The following KIRREL3 variants were observed in gnomAD, a reference collection of about 807,000 sequenced individuals.
KIRREL3 encodes kirre like nephrin family adhesion molecule 3.
KIRREL3 carries 36 observed loss-of-function variants against 89.7 expected under a neutral mutation model. That is an observed-to-expected ratio of 0.40 (90% CI 0.31 to 0.53). KIRREL3 has a LOEUF of 0.53. Among genes scored for constraint, KIRREL3 ranks in the 20% least tolerant of loss-of-function variants. The pLI, the probability that KIRREL3 is intolerant of heterozygous loss-of-function variation, is 0.49. For synonymous variants in KIRREL3, 445 were observed against 441.4 expected, an observed-to-expected ratio of 1.01 and a Z score of -0.10; for missense variants, 864 against 1,056.6, an observed-to-expected ratio of 0.82 and a Z score of 2.53.
intron 1 of KIRREL3, among the ~76,000 whole-genome samples, chr11:126,849,434 C>T (rs1944261571): frequency 6.6e-6 from 1 of 152,180 alleles, no homozygotes; most frequent in Non-Finnish European, 1.5e-5. Context: ...AACTTGCTTT[C>T]ACTTTACTCT....
At position 126,459,655 on chromosome 11, in the gene KIRREL3, G is replaced by A. The variant is rs1243154891; in HGVS notation, c.743-3201C>T. 6.6e-6 allele frequency among the ~76,000 whole-genome samples: 1 copy of A among 152,190 alleles called. No individual in the cohort carries two copies. The highest frequency in any genetic ancestry group is 2.4e-5 in the African/African-American group (1 of 41,438). ...GAGGGCAGCTTTGATGTAGCTGGTG[G>A]AACTGAGATCACATTGAACAGATGT... On this transcript the variant is annotated intron_variant, in intron 6 of 16. Transcript: ENST00000525144. This position sits in a 1 kb window ranked among gnomAD's most constrained non-coding sequence, Gnocchi z 4.8.
Position 126,635,939 on chromosome 11 carries a change from G to A in KIRREL3, c.56-73027C>T, listed in dbSNP as rs1435537203. On this transcript the variant is annotated intron_variant, in intron 1 of 16. Coordinates refer to ENST00000525144, the MANE Select transcript of KIRREL3 (RefSeq NM_032531.4). This position sits in a 1 kb window ranked among gnomAD's most constrained non-coding sequence, Gnocchi z 4.0. ...AACAACTTGGTTATTTTTGGGTCAT[G>A]GGCAGGGCCAGCAGGCCTACAGGTA... Among the ~76,000 whole-genome samples the A allele has an allele frequency of 6.6e-6, 1 of 152,148 alleles. No homozygotes were observed. The highest frequency in any genetic ancestry group is 6.5e-5 in the Admixed American group (1 of 15,280).
chr11:126,850,407 C>T (rs1278211518), intron 1 of KIRREL3, among the ~76,000 whole-genome samples: 2 of 152,164 alleles, frequency 1.3e-5, no homozygotes, highest in Non-Finnish European at 2.9e-5. Context: ...GAGTGAGCTG[C>T]TGGGTGGGCT....
chr11:126,481,813 A>G (rs1301249472), intron 4 of KIRREL3, among the ~76,000 whole-genome samples: 1 of 152,210 alleles, frequency 6.6e-6, no homozygotes, highest in Admixed American at 6.5e-5. Flanking sequence ...TCACCTATCC[A>G]GTCAACCAGT....
In KIRREL3 at chr11:126,989,730, G is replaced by A. The variant is rs904839955; in HGVS notation, c.55+10725C>T. Among the ~76,000 whole-genome samples the A allele has an allele frequency of 6.6e-6, 1 of 152,206 alleles. No homozygotes were observed. Among genetic ancestry groups the A allele is most frequent in the Non-Finnish European group, 1.5e-5 (1 of 68,038 alleles). ...GTCTTAGGGCCAACAGGGGAACGAA[G>A]TCTTAGGGCCAACAGGGTTCCCCCG... is the stretch of plus-strand genomic sequence containing the variant. On this transcript the variant is annotated intron_variant, in intron 1 of 16. Coordinates refer to ENST00000525144, the MANE Select transcript of KIRREL3 (RefSeq NM_032531.4). The surrounding 1 kb of genome is among the most constrained non-coding windows in gnomAD (Gnocchi z 6.2).
At chr11:126,663,011 G>A (rs988418198) in intron 1 of KIRREL3, among the ~76,000 whole-genome samples, 2 of 139,092 alleles carry the variant, frequency 1.4e-5, no homozygotes, top group Non-Finnish European at 3.0e-5. Flanking sequence ...TGTCCCTTCT[G>A]GCAGAAATAC....
intron 1 of KIRREL3, among the ~76,000 whole-genome samples, chr11:126,759,543 T>C (rs1278397026): frequency 6.6e-6 from 1 of 152,198 alleles, no homozygotes; most frequent in Non-Finnish European, 1.5e-5. Context: ...TGGATGTTAG[T>C]GATAAAGGAA....
chr11:126,617,331 G>C (rs1354332124), intron 1 of KIRREL3, among the ~76,000 whole-genome samples: 3 of 152,238 alleles, frequency 2.0e-5, no homozygotes, highest in Non-Finnish European at 2.9e-5. Flanking sequence ...TGAGGGGCAG[G>C]AGGAGAGAGC....
At chr11:126,457,610 A>G (rs1231864899) in intron 6 of KIRREL3, among the ~76,000 whole-genome samples, 2 of 152,104 alleles carry the variant, frequency 1.3e-5, no homozygotes, top group Non-Finnish European at 2.9e-5. Context: ...AGACACACAC[A>G]TAGAAATTGA....
chr11:126,505,559 G>A (rs963648810), intron 4 of KIRREL3, among the ~76,000 whole-genome samples: 3 of 144,486 alleles, frequency 2.1e-5, no homozygotes, highest in African/African-American at 8.0e-5. Flanking sequence ...CAACAAGAGT[G>A]TAACTCCATC....
rs1957450561 is a variant in KIRREL3 at position 126,489,379 on chromosome 11, T to C, written c.434-15913A>G. On this transcript the variant is annotated intron_variant, in intron 4 of 16. Transcript: ENST00000525144. The surrounding 1 kb of genome is among the most constrained non-coding windows in gnomAD (Gnocchi z 5.5). Reference sequence around the variant, plus strand: ...TGATGGAAGGGTAAGAAGAGACGCCTGCATCAGGTGGGAGTTAGGTGGGGA... The same window carrying C: ...TGATGGAAGGGTAAGAAGAGACGCCCGCATCAGGTGGGAGTTAGGTGGGGA... Among the ~76,000 whole-genome samples, 1 of 152,184 alleles carries C rather than the reference T, an allele frequency of 6.6e-6. No homozygotes were observed. Among genetic ancestry groups the C allele is most frequent in the Non-Finnish European group, 1.5e-5 (1 of 68,030 alleles).
At chr11:126,618,588 C>G (rs1943451969) in intron 1 of KIRREL3, among the ~76,000 whole-genome samples, 1 of 152,138 alleles carries the variant, frequency 6.6e-6, no homozygotes, top group Admixed American at 6.5e-5. Context: ...GCATGCACCA[C>G]CATACCTGGC....
intron 4 of KIRREL3, among the ~76,000 whole-genome samples, chr11:126,509,766 C>T (rs765714259): frequency 2.1e-4 from 32 of 152,182 alleles, no homozygotes; most frequent in South Asian, 4.1e-4. Context: ...GAGGCCAAGG[C>T]GGGGGAATCA....
At chr11:126,852,926 C>G (rs1029030282) in intron 1 of KIRREL3, among the ~76,000 whole-genome samples, 7 of 152,162 alleles carry the variant, frequency 4.6e-5, no homozygotes, top group Non-Finnish European at 8.8e-5. Context: ...GTCCAGGGAG[C>G]AGAAGCTCTT....
Position 126,647,656 on chromosome 11 carries a change from C to A in KIRREL3, c.56-84744G>T, listed in dbSNP as rs1033892693. Among the ~76,000 whole-genome samples, 4 of 152,318 alleles carry A rather than the reference C, an allele frequency of 2.6e-5. No individual in the cohort carries two copies. The East Asian group carries it at 7.7e-4, about 29-fold the overall frequency. On this transcript the variant is annotated intron_variant, in intron 1 of 16. Transcript: ENST00000525144. The surrounding 1 kb of genome is among the most constrained non-coding windows in gnomAD (Gnocchi z 4.9). ...TCTTCTTGCCCCTCCAAGGCTACCC[C>A]CTGGTCCAAGTCACTTGGACCCTGT...
rs71470642 is a variant in KIRREL3, at chr11:126,923,257, T to C, written c.55+77198A>G. 6.1e-4 allele frequency among the ~76,000 whole-genome samples: 52 copies of C among 85,472 alleles called. 5 individuals carry two copies. The highest frequency in any genetic ancestry group is 2.0e-3 in the East Asian group (6 of 2,946). The allele number at this position is 85,472 out of a possible 152,430, so 56.1% of individuals were successfully genotyped here. A position where few individuals can be genotyped will look rare whatever the true frequency, so the allele number is the denominator to read the frequency against. On this transcript the variant is annotated intron_variant, in intron 1 of 16. Coordinates refer to ENST00000525144, the MANE Select transcript of KIRREL3 (RefSeq NM_032531.4). ...TTCTTCTTCTTCTTCTTCTTCTTCT[T>C]CTTCTTCTTCTCCTTCTCCTTCTCC...
intron 7 of KIRREL3, among the ~76,000 whole-genome samples, chr11:126,451,411 T>A (rs1036950626): frequency 6.6e-5 from 10 of 150,674 alleles, no homozygotes; most frequent in African/African-American, 1.9e-4. Context: ...TGTGTGCATG[T>A]GTGTGCATGT....
In KIRREL3 at chr11:126,940,364, G is replaced by A. The variant is rs1242106138; in HGVS notation, c.55+60091C>T. ...AGATAATAAAAAGATTTATAATTACGCCAGTAGATTTACTTTTGCTATGCC... is the reference window on the plus strand; with the variant it reads ...AGATAATAAAAAGATTTATAATTACACCAGTAGATTTACTTTTGCTATGCC... On this transcript the variant is annotated intron_variant, in intron 1 of 16. Transcript: ENST00000525144. The surrounding 1 kb of genome is among the most constrained non-coding windows in gnomAD (Gnocchi z 4.6). The A allele has an allele frequency of 6.0e-5, 9 of 151,098 alleles. No homozygotes were observed. The East Asian group carries it at 1.2e-3, about 20-fold the overall frequency. The allele number at this position is 151,098 out of a possible 1,614,324, so 9.4% of individuals were successfully genotyped here.
intron 1 of KIRREL3, among the ~76,000 whole-genome samples, chr11:126,973,039 CAG>C (rs1390676067): frequency 7.0e-6 from 1 of 143,314 alleles, no homozygotes; most frequent in Non-Finnish European, 1.5e-5. Flanking sequence ...TTGCTGAACC[CAG>C]AGAGACTGGA....
Sources: allele counts gnomAD v4.1 joint callset (sites outside exome capture counted in the v4.1 genomes callset), GRCh38; gene constraint gnomAD v4.1.1; non-coding constraint Gnocchi (gnomAD v3.1); transcripts MANE v1.5; gene names NCBI Gene and HGNC (gene_info 2026-07-23, HGNC 2026-07-21).